Variants in SLC16A7 observed in about 807,000 individuals in gnomAD.
SLC16A7 encodes the protein monocarboxylate transporter 2.
Under a neutral mutation model 34.9 loss-of-function variants are expected in SLC16A7, and 33 were observed. The observed-to-expected ratio is 0.94, with a 90% confidence interval of 0.72 to 1.26. The LOEUF (loss-of-function observed/expected upper bound fraction) is 1.26, where lower values mean the gene tolerates loss of function less well. Among genes scored for constraint, SLC16A7 ranks in the 50% most tolerant of loss-of-function variants. The pLI, the probability that SLC16A7 is intolerant of heterozygous loss-of-function variation, is 0.00. For synonymous variants in SLC16A7, 201 were observed against 206.6 expected, an observed-to-expected ratio of 0.97 and a Z score of 0.23; for missense variants, 573 against 578.1, an observed-to-expected ratio of 0.99 and a Z score of 0.09.
At chr12:59,774,449 A>G (rs1362338955) in intron 4 of SLC16A7, among the ~76,000 whole-genome samples, 1 of 152,198 alleles carries the variant, frequency 6.6e-6, no homozygotes, top group Admixed American at 6.5e-5. Context: ...AAGGAATTAA[A>G]CTTGAAATGA....
chr12:59,622,838 C>T (rs1384351582), intron 1 of SLC16A7, among the ~76,000 whole-genome samples: 3 of 151,596 alleles, frequency 2.0e-5, no homozygotes, highest in Non-Finnish European at 4.4e-5. Flanking sequence ...TTTTAATTAA[C>T]GTAGGTTTTA....
At chr12:59,702,122 AT>A (rs1872958007) in intron 2 of SLC16A7, among the ~76,000 whole-genome samples, 1 of 151,906 alleles carries the variant, frequency 6.6e-6, no homozygotes, top group African/African-American at 2.4e-5. Context: ...ACTTTAAAAT[AT>A]AGTAATAAAA....
chr12:59,738,658 T>G (rs2137272082), intron 3 of SLC16A7, among the ~76,000 whole-genome samples: 1 of 152,302 alleles, frequency 6.6e-6, no homozygotes, highest in African/African-American at 2.4e-5. Flanking sequence ...GGAATAGTAT[T>G]GACCCACAGA....
intron 3 of SLC16A7, among the ~76,000 whole-genome samples, chr12:59,723,941 C>T (rs1427373280): frequency 6.6e-6 from 1 of 151,758 alleles, no homozygotes; most frequent in African/African-American, 2.4e-5. Flanking sequence ...CAATTTTCAT[C>T]TTTTCATTCT....
intron 3 of SLC16A7, chr12:59,720,135 G>T (rs1875400617): frequency 1.4e-6 from 1 of 691,940 alleles, no homozygotes; most frequent in Admixed American, 2.1e-5. Flanking sequence ...TGTTATTATG[G>T]GATCGCTGTC....
chr12:59,768,049 A>T (rs746096217), intron 3 of SLC16A7: 2 of 408,624 alleles, frequency 4.9e-6, no homozygotes, highest in Non-Finnish European at 9.7e-6. Context: ...ATATGTAACA[A>T]ACCTGCACGT....
intron 3 of SLC16A7, chr12:59,761,281 AT>A (rs1880987073): frequency 6.9e-6 from 4 of 580,690 alleles, no homozygotes; most frequent in Non-Finnish European, 1.1e-5. Context: ...AGAAGCATTT[AT>A]ATTCTCTTAA....
chr12:59,779,581 G>T lies in SLC16A7; in HGVS notation c.1339G>T (p.Glu447Ter). Residue 447 changes from glutamate to a stop codon, truncating the protein, a stop_gained, in exon 6 of 6, where the codon GAA (glutamate) becomes TAA (stop). Transcript: ENST00000547379. LOFTEE classifies it high-confidence loss of function. ...GGAAAATGCAAGGCAGAAGACCAGA[G>T]AATCTGAACCCTTGAGCAAATCTAA... ...KEENARQKTR[E>*]SEPLSKSKHS... The T allele has an allele frequency of 6.2e-7, 1 of 1,612,334 alleles. No individual in the cohort carries two copies. The highest frequency in any genetic ancestry group is 8.5e-7 in the Non-Finnish European group (1 of 1,178,902).
chr12:59,655,399 T>C (rs1868484542), intron 2 of SLC16A7, 149 bp downstream of exon 2: 1 of 151,974 alleles, frequency 6.6e-6, no homozygotes, highest in Admixed American at 6.6e-5. Context: ...TATCTTAAAG[T>C]TGGTACTTTT....
intron 3 of SLC16A7, among the ~76,000 whole-genome samples, chr12:59,758,295 G>A (rs1290679258): frequency 6.6e-6 from 1 of 151,990 alleles, no homozygotes; most frequent in African/African-American, 2.4e-5. Context: ...GAAAACTTAG[G>A]AATAATTATT....
intron 1 of SLC16A7, among the ~76,000 whole-genome samples, chr12:59,605,033 A>G (rs997189023): frequency 4.6e-5 from 7 of 152,032 alleles, no homozygotes; most frequent in African/African-American, 1.4e-4. Context: ...TTGTATTCTT[A>G]GTAGAGATGG....
intron 3 of SLC16A7, among the ~76,000 whole-genome samples, chr12:59,707,006 T>G (rs1873664835): frequency 6.6e-6 from 1 of 152,152 alleles, no homozygotes; most frequent in Admixed American, 6.6e-5. Context: ...GTTATTTCTT[T>G]CTGAAGCAAT....
Position 59,789,831 on chromosome 12 carries a change from T to A in SLC16A7, c.*10152T>A, listed in dbSNP as rs989596976. The A allele has an allele frequency of 6.6e-6, 1 of 152,096 alleles. No individual in the cohort carries two copies. The highest frequency in any genetic ancestry group is 1.5e-5 in the Non-Finnish European group (1 of 68,006). 9.4% of individuals were successfully genotyped at this position (152,096 alleles called of 1,614,324 possible). ...TTAAATTAAAATTAAAATAAAAAAA[T>A]TCATGTTAAATTTTTGAAATGAAAT... On this transcript the variant is annotated 3_prime_UTR_variant, in exon 6 of 6. Coordinates refer to ENST00000547379, the MANE Select transcript of SLC16A7 (RefSeq NM_001270623.2).
Position 59,597,955 on chromosome 12 carries a change from G to A in SLC16A7, c.-130+1719G>A, listed in dbSNP as rs140766134. 2.7e-4 allele frequency among the ~76,000 whole-genome samples: 41 copies of A among 152,136 alleles called. No individual in the cohort carries two copies. The East Asian group carries it at 7.1e-3, about 26-fold the overall frequency. On this transcript the variant is annotated intron_variant, in intron 1 of 5. Transcript: ENST00000547379. ...CAAATTAGTGTATCCTTCTATAAAT[G>A]CTCAGTTTATTTCTAGACATTCATT...
chr12:59,691,635 T>A (rs1342646761), intron 2 of SLC16A7, among the ~76,000 whole-genome samples: 2 of 152,018 alleles, frequency 1.3e-5, no homozygotes, highest in African/African-American at 4.8e-5. Context: ...TAAGTAGTCT[T>A]TCTGTGTATA....
chr12:59,648,804 A>G (rs1001187044), intron 1 of SLC16A7, among the ~76,000 whole-genome samples: 2 of 152,198 alleles, frequency 1.3e-5, no homozygotes, highest in Admixed American at 6.5e-5. Context: ...CAGAGTGGCC[A>G]TGAGATCCAA....
chr12:59,772,704 G>A (rs2099693715), intron 4 of SLC16A7, among the ~76,000 whole-genome samples: 1 of 151,888 alleles, frequency 6.6e-6, no homozygotes, highest in Non-Finnish European at 1.5e-5. Flanking sequence ...TATAAAATTA[G>A]ATAAATAATA....
intron 1 of SLC16A7, among the ~76,000 whole-genome samples, chr12:59,601,606 C>A (rs574190346): frequency 1.3e-5 from 2 of 152,168 alleles, no homozygotes; most frequent in African/African-American, 4.8e-5. Context: ...GTGTCTGTGA[C>A]CTTTCTGAGT....
chr12:59,659,783 C>T (rs1868739853), intron 2 of SLC16A7, among the ~76,000 whole-genome samples: 1 of 151,984 alleles, frequency 6.6e-6, no homozygotes, highest in Non-Finnish European at 1.5e-5. Context: ...AATCTGTCTC[C>T]TCTGTAGGAA....
Sources: gnomAD v4.1 joint callset for allele counts (sites outside exome capture counted in the v4.1 genomes callset) on GRCh38, gnomAD v4.1.1 for gene constraint, MANE v1.5 for transcripts, NCBI Gene and HGNC (gene_info 2026-07-23, HGNC 2026-07-21) for gene names.